The following FOXP2 variants were observed in gnomAD, a reference collection of about 807,000 sequenced individuals.
FOXP2 encodes forkhead box protein P2.
In FOXP2, 12 loss-of-function variants were observed where a neutral mutation model predicts 115.8. The observed-to-expected ratio is 0.10, with a 90% confidence interval of 0.07 to 0.17. The LOEUF (loss-of-function observed/expected upper bound fraction) is 0.17. Among genes scored for constraint, FOXP2 ranks in the 10% least tolerant of loss-of-function variants. The probability of loss-of-function intolerance (pLI) is 1.00; values close to 1 mark genes in which losing one functional copy is unlikely to be tolerated. For synonymous variants in FOXP2, 328 were observed against 297.7 expected (o/e 1.10, Z -1.05); for missense variants, 629 against 843.5 (o/e 0.75, Z 3.15).
chr7:114,193,729 C>T (rs1157558195), intron 1 of FOXP2, among the ~76,000 whole-genome samples: 1 of 151,972 alleles, frequency 6.6e-6, no homozygotes, highest in African/African-American at 2.4e-5. Context: ...TTGTTGAGAA[C>T]CATTGTGTTT....
intron 3 of FOXP2, among the ~76,000 whole-genome samples, chr7:114,577,824 A>C (rs2129299619): frequency 6.6e-6 from 1 of 152,100 alleles, no homozygotes; most frequent in Non-Finnish European, 1.5e-5. Flanking sequence ...GGCATACAAC[A>C]GCCAGTATAG....
At chr7:114,129,226 A>G (rs1190257598) in intron 1 of FOXP2, among the ~76,000 whole-genome samples, 1 of 152,204 alleles carries the variant, frequency 6.6e-6, no homozygotes, top group African/African-American at 2.4e-5. Flanking sequence ...AAGTTCACAT[A>G]TATATTTGGC....
At chr7:114,361,102 A>T (rs1191199271) in intron 2 of FOXP2, among the ~76,000 whole-genome samples, 2 of 152,158 alleles carry the variant, frequency 1.3e-5, no homozygotes, top group East Asian at 3.8e-4. Flanking sequence ...CCTCTAGTTA[A>T]AGCAATGGTT....
intron 2 of FOXP2, among the ~76,000 whole-genome samples, chr7:114,515,356 T>C (rs974934106): frequency 1.3e-5 from 2 of 151,338 alleles, no homozygotes; most frequent in African/African-American, 4.9e-5. Flanking sequence ...TGTTCCTATT[T>C]CTCCACATCC....
chr7:114,616,165 G>C (rs576632990), intron 3 of FOXP2, among the ~76,000 whole-genome samples: 4 of 147,344 alleles, frequency 2.7e-5, no homozygotes, highest in Non-Finnish European at 3.0e-5. Context: ...TTTTGTTGTC[G>C]TTTTTGTTTT....
At chr7:114,232,415 A>G (rs1190232735) in intron 1 of FOXP2, among the ~76,000 whole-genome samples, 3 of 152,220 alleles carry the variant, frequency 2.0e-5, no homozygotes, top group Non-Finnish European at 4.4e-5. Flanking sequence ...TAGCACTCAC[A>G]TGTTCATTGT....
chr7:114,347,127 C>A (rs981964455), intron 2 of FOXP2, among the ~76,000 whole-genome samples: 4 of 151,772 alleles, frequency 2.6e-5, no homozygotes, highest in African/African-American at 9.7e-5. Context: ...CCATTTAAAC[C>A]AAGTAATATT....
intron 1 of FOXP2, among the ~76,000 whole-genome samples, chr7:114,232,103 A>G (rs1250437879): frequency 6.6e-6 from 1 of 152,252 alleles, no homozygotes; most frequent in Non-Finnish European, 1.5e-5. Flanking sequence ...AGGAATATGA[A>G]AAGATTCTCA....
intron 1 of FOXP2, among the ~76,000 whole-genome samples, chr7:114,192,869 A>G (rs763400099): frequency 3.3e-4 from 50 of 152,330 alleles, no homozygotes; most frequent in Non-Finnish European, 6.5e-4. Context: ...ACACCTTAGT[A>G]GAAATAAAAA....
chr7:114,201,699 A>G lies in FOXP2; in HGVS notation c.-102+38611A>G, dbSNP rs550424608. 2.0e-5 allele frequency among the ~76,000 whole-genome samples: 3 copies of G among 152,332 alleles called. No homozygotes were observed. In the East Asian group the frequency reaches 5.8e-4, roughly 29 times the overall value. ...CATACGCTTGATAATATAGTGCTAG[A>G]GTCACCCTAAATGTTGAAATCATGT... On this transcript the variant is annotated intron_variant, in intron 1 of 17. Transcript: ENST00000634411.
chr7:114,155,856 C>T (rs906956971), intron 1 of FOXP2, among the ~76,000 whole-genome samples: 48 of 152,152 alleles, frequency 3.2e-4, no homozygotes, highest in Non-Finnish European at 4.6e-4. Context: ...ATCAAATGTG[C>T]GGTTTGACCT....
At chr7:114,317,214 C>T (rs1262456964) in intron 2 of FOXP2, among the ~76,000 whole-genome samples, 1 of 152,184 alleles carries the variant, frequency 6.6e-6, no homozygotes, top group Admixed American at 6.5e-5. Context: ...CCAATTCTTG[C>T]AGTTGTCCCA....
intron 2 of FOXP2, among the ~76,000 whole-genome samples, chr7:114,443,284 A>G (rs1370501141): frequency 6.6e-6 from 1 of 152,176 alleles, no homozygotes; most frequent in Admixed American, 6.5e-5. Context: ...GTCTCACGTT[A>G]TGCATTCTTT....
chr7:114,288,934 G>A (rs1796528260), intron 2 of FOXP2, among the ~76,000 whole-genome samples: 1 of 151,660 alleles, frequency 6.6e-6, no homozygotes, highest in African/African-American at 2.4e-5. Flanking sequence ...AAAATGCCCG[G>A]GCTTCTTCAG....
intron 2 of FOXP2, among the ~76,000 whole-genome samples, chr7:114,496,001 A>G (rs979855037): frequency 2.0e-5 from 3 of 152,196 alleles, no homozygotes; most frequent in African/African-American, 7.2e-5. Context: ...CTCTCCTCAT[A>G]TAAACCAATA....
In FOXP2 at chr7:114,346,858, A is replaced by G. The variant is rs151320219; in HGVS notation, c.-11+58749A>G. 9.2e-5 allele frequency among the ~76,000 whole-genome samples: 14 copies of G among 151,858 alleles called. No homozygotes were observed. The East Asian group carries it at 2.7e-3, about 29-fold the overall frequency. On this transcript the variant is annotated intron_variant, in intron 2 of 17. Transcript: ENST00000634411. ...ACAAAGCTACAATGAGGAGGAATAC[A>G]TTCTGGTGTTCTATTGTACTGTAGG...
intron 1 of FOXP2, among the ~76,000 whole-genome samples, chr7:114,253,271 G>T (rs1039928826): frequency 1.6e-4 from 25 of 152,160 alleles, no homozygotes; most frequent in Non-Finnish European, 3.2e-4. Flanking sequence ...ATATTCTGTT[G>T]ATTTGGGGTG....
chr7:114,334,473 A>G (rs1225769759), intron 2 of FOXP2, among the ~76,000 whole-genome samples: 2 of 152,050 alleles, frequency 1.3e-5, no homozygotes, highest in Admixed American at 6.6e-5. Flanking sequence ...ATATTTAAGC[A>G]TTATTATTAT....
At chr7:114,245,224 C>T (rs953739327) in intron 1 of FOXP2, among the ~76,000 whole-genome samples, 1 of 152,184 alleles carries the variant, frequency 6.6e-6, no homozygotes, top group Non-Finnish European at 1.5e-5. Context: ...CATCCTTGCT[C>T]TCTTTTTCCT....
Sources: allele counts gnomAD v4.1 joint callset (sites outside exome capture counted in the v4.1 genomes callset), GRCh38; gene constraint gnomAD v4.1.1; transcripts MANE v1.5; gene names NCBI Gene and HGNC (gene_info 2026-07-23, HGNC 2026-07-21).